Variants in INPP5F observed in about 807,000 individuals in gnomAD.
The protein encoded by INPP5F is inositol polyphosphate-5-phosphatase F.
A neutral mutation model predicts 137.2 loss-of-function variants in INPP5F; 97 were observed. The ratio of observed to expected loss-of-function variants is 0.71; its 90% CI spans 0.60 to 0.84. The LOEUF is 0.84. INPP5F is among the 40% of genes least tolerant of loss of function. The pLI is 0.00. For synonymous variants in INPP5F, 504 were observed against 476.9 expected (o/e 1.06, Z -0.74); for missense variants, 1,271 against 1,371.9 (o/e 0.93, Z 1.16).
chr10:119,728,298 C>A (rs1564794756), intron 1 of INPP5F, among the ~76,000 whole-genome samples: 1 of 152,222 alleles, frequency 6.6e-6, no homozygotes, highest in Admixed American at 6.5e-5. Context: ...AATAAAGAAT[C>A]CCATGCACTT....
intron 2 of INPP5F, among the ~76,000 whole-genome samples, chr10:119,767,133 ACC>A (rs1849197673): frequency 7.0e-6 from 1 of 142,104 alleles, no homozygotes; most frequent in Non-Finnish European, 1.5e-5. Context: ...AAAAAAAAAA[ACC>A]TAGAGAGATT....
chr10:119,826,836 A>G lies in INPP5F; in HGVS notation c.2455A>G (p.Asn819Asp). The G allele has an allele frequency of 6.2e-7, 1 of 1,613,590 alleles. No individual in the cohort carries two copies. Among genetic ancestry groups the G allele is most frequent in the South Asian group, 1.1e-5 (1 of 90,888 alleles). The change falls in exon 20 of 20, where the codon AAC becomes GAC. Residue 819 changes from asparagine to aspartate, a missense_variant. Around this residue, in one of 6 missense-constraint regions of INPP5F, gnomAD observed 490 missense variants for 443.7 expected, o/e 1.10. Coordinates refer to ENST00000650623, the MANE Select transcript of INPP5F (RefSeq NM_014937.4). ...AATGAAAGTTAACTTTCTAAAACCAAACTTAAAAGTAAATCTTTGGAAATC... is the reference window on the plus strand; with the variant it reads ...AATGAAAGTTAACTTTCTAAAACCAGACTTAAAAGTAAATCTTTGGAAATC... Reference protein sequence around the residue: ...PEMKVNFLKPNLKVNLWKSDS... With the variant: ...PEMKVNFLKPDLKVNLWKSDS...
intron 1 of INPP5F, among the ~76,000 whole-genome samples, chr10:119,740,048 A>G (rs182344860): frequency 2.6e-5 from 4 of 151,204 alleles, no homozygotes; most frequent in African/African-American, 9.7e-5. Flanking sequence ...TTTTCCCCCT[A>G]TTTTCTATTG....
intron 15 of INPP5F, among the ~76,000 whole-genome samples, chr10:119,812,618 A>G (rs971213826): frequency 1.3e-5 from 2 of 152,190 alleles, no homozygotes; most frequent in Non-Finnish European, 2.9e-5. Flanking sequence ...GAGGGGCATA[A>G]AATGTGCTTG....
rs1851820865 is a variant in INPP5F at position 119,827,575 on chromosome 10, G to A, written c.3194G>A (p.Ser1065Asn). The change falls in exon 20 of 20, where the codon AGC becomes AAC. Residue 1065 changes from serine (S) to asparagine (N), a missense_variant. By Grantham distance (46) the Ser-to-Asn change is conservative. This residue lies in a region of INPP5F where 490 missense variants were observed against 443.7 expected (regional missense o/e 1.10). Transcript: ENST00000650623. ...CCTTCTCCTTCAGAGAGCAGTAGCA[G>A]CAGAGCAGTCTCTCCCTTTGCCAAG... Reference protein sequence around the residue: ...VTPSPSESSSSRAVSPFAKIR... With the variant: ...VTPSPSESSSNRAVSPFAKIR... 6.2e-7 allele frequency: 1 copy of A among 1,614,030 alleles called. No homozygotes were observed. Among genetic ancestry groups the A allele is most frequent in the Admixed American group, 1.7e-5 (1 of 59,994 alleles).
intron 3 of INPP5F, among the ~76,000 whole-genome samples, chr10:119,785,286 G>GTTTTT (rs71019717): frequency 0.16 from 16,716 of 105,826 alleles, 2,437 homozygotes; most frequent in South Asian, 0.22. Flanking sequence ...CTGCCAGACT[G>GTTTTT]TTTTTTTTTT....
intron 15 of INPP5F, among the ~76,000 whole-genome samples, chr10:119,817,271 G>GT (rs1373711726): frequency 2.0e-5 from 3 of 152,120 alleles, no homozygotes; most frequent in Admixed American, 6.5e-5. Flanking sequence ...TTTAACCATT[G>GT]TAAGTAGTGC....
chr10:119,806,571 C>A, intron 12 of INPP5F, 91 bp downstream of exon 12: 1 of 1,211,032 alleles, frequency 8.3e-7, no homozygotes, highest in South Asian at 1.9e-5. Flanking sequence ...TTTCAAATGT[C>A]AAATATTCTT....
intron 19 of INPP5F, chr10:119,825,871 A>G (rs1324708061): frequency 7.5e-6 from 3 of 397,942 alleles, no homozygotes; most frequent in Non-Finnish European, 8.9e-6. Context: ...ATGATCAGTG[A>G]TCTTGCATGA....
At chr10:119,791,787 C>T in intron 4 of INPP5F, 82 bp from the exon 5 acceptor site, 1 of 1,371,038 alleles carries the variant, frequency 7.3e-7, no homozygotes, top group East Asian at 2.3e-5. Context: ...ATTATTTTCA[C>T]TTCTGTCTTA....
chr10:119,764,943 ATT>A (rs1472389506), intron 2 of INPP5F, among the ~76,000 whole-genome samples: 1 of 148,762 alleles, frequency 6.7e-6, no homozygotes, highest in Non-Finnish European at 1.5e-5. Flanking sequence ...TTATTTATTT[ATT>A]TTTTGAGACA....
At chr10:119,750,395 T>TC (rs1209023348) in intron 1 of INPP5F, among the ~76,000 whole-genome samples, 1 of 152,222 alleles carries the variant, frequency 6.6e-6, no homozygotes, top group East Asian at 1.9e-4. Context: ...TCCTTAGGCA[T>TC]CCGTTGCATG....
At chr10:119,797,847 C>CT (rs1850439067) in intron 8 of INPP5F, among the ~76,000 whole-genome samples, 1 of 152,172 alleles carries the variant, frequency 6.6e-6, no homozygotes, top group Admixed American at 6.5e-5. Context: ...AAAAATTTCT[C>CT]TAACAGTAGA....
At chr10:119,822,576 A>T in intron 17 of INPP5F, 72 bp downstream of exon 17, 1 of 677,742 alleles carries the variant, frequency 1.5e-6, no homozygotes, top group Admixed American at 3.0e-5. Flanking sequence ...CAAATTATTT[A>T]AGCAAGAACC....
At chr10:119,766,085 G>A (rs1190840766) in intron 2 of INPP5F, among the ~76,000 whole-genome samples, 2 of 152,052 alleles carry the variant, frequency 1.3e-5, no homozygotes, top group Non-Finnish European at 2.9e-5. Flanking sequence ...AGTGATGTAA[G>A]TCTCAGTTGG....
At chr10:119,732,259 A>G (rs573030692) in intron 1 of INPP5F, among the ~76,000 whole-genome samples, 1 of 151,922 alleles carries the variant, frequency 6.6e-6, no homozygotes, top group African/African-American at 2.4e-5. Flanking sequence ...CTGGTCTTGA[A>G]CTTCTGAGCT....
In INPP5F at chr10:119,732,500, C is replaced by CTTTTTTTTTTTTTTTTT. The variant is rs59388357; in HGVS notation, c.97+6142_97+6158dup. ...TGAGCACTTTTCTTTTTTCTTTTTT[C>CTTTTTTTTTTTTTTTTT]TTTTTTTTTTTTTTTTTGAGACGGA... On this transcript the variant is annotated intron_variant, in intron 1 of 19. Transcript: ENST00000650623. 1.3e-4 allele frequency among the ~76,000 whole-genome samples: 15 copies of CTTTTTTTTTTTTTTTTT among 115,562 alleles called. 1 individual carries two copies. In the East Asian group the frequency reaches 2.1e-3, roughly 16 times the overall value. The allele number at this position is 115,562 out of a possible 152,430, so 75.8% of individuals were successfully genotyped here. A position where few individuals can be genotyped will look rare whatever the true frequency, so the allele number is the denominator to read the frequency against.
At chr10:119,817,050 A>G (rs1851307673) in intron 15 of INPP5F, among the ~76,000 whole-genome samples, 1 of 152,080 alleles carries the variant, frequency 6.6e-6, no homozygotes, top group African/African-American at 2.4e-5. Context: ...TCGTCTCTGC[A>G]TTTGCGTATT....
intron 9 of INPP5F, chr10:119,799,278 G>A: frequency 2.3e-6 from 1 of 439,640 alleles, no homozygotes; most frequent in Non-Finnish European, 4.5e-6. Flanking sequence ...CGTGGAATGT[G>A]TAATGAATAG....
Sources: allele counts gnomAD v4.1 joint callset (sites outside exome capture counted in the v4.1 genomes callset), GRCh38; gene constraint gnomAD v4.1.1; regional missense constraint gnomAD v4.1.1; transcripts MANE v1.5; gene names NCBI Gene and HGNC (gene_info 2026-07-23, HGNC 2026-07-21).